The following RLF variants were observed in gnomAD, a reference collection of about 807,000 sequenced individuals.
RLF encodes RLF zinc finger, also known as zinc finger protein Rlf.
A neutral mutation model predicts 162.9 loss-of-function variants in RLF; 7 were observed. That is an observed-to-expected ratio of 0.04 (90% confidence interval 0.02 to 0.08). The LOEUF (loss-of-function observed/expected upper bound fraction) is 0.08. Among genes scored for constraint, RLF ranks in the 10% least tolerant of loss-of-function variants. The pLI, the probability that RLF is intolerant of heterozygous loss-of-function variation, is 1.00. For synonymous variants in RLF, 782 were observed against 791.5 expected (o/e 0.99, Z 0.20); for missense variants, 1,664 against 2,244.7 (o/e 0.74, Z 5.23).
At chr1:40,164,105 G>A (rs978124598) in intron 1 of RLF, among the ~76,000 whole-genome samples, 6 of 152,156 alleles carry the variant, frequency 3.9e-5, no homozygotes, top group African/African-American at 1.4e-4. Flanking sequence ...AGTTTTCTCG[G>A]ACTCTAGGAG....
At chr1:40,195,508 G>A in intron 3 of RLF, 124 bp from the exon 4 acceptor site, 1 of 725,550 alleles carries the variant, frequency 1.4e-6, no homozygotes, top group Non-Finnish European at 2.1e-6. Flanking sequence ...GTCTTTTTTG[G>A]TTACTTATTT....
intron 4 of RLF, among the ~76,000 whole-genome samples, chr1:40,198,048 G>T (rs1179330833): frequency 6.6e-6 from 1 of 151,962 alleles, no homozygotes. Flanking sequence ...TTATTACTCA[G>T]GCTGGAGTGC....
chr1:40,174,141 G>A (rs1421799734), intron 1 of RLF, among the ~76,000 whole-genome samples: 2 of 152,216 alleles, frequency 1.3e-5, no homozygotes, highest in Non-Finnish European at 2.9e-5. Context: ...GGGAGGCTGA[G>A]GCGGGTGGAT....
intron 5 of RLF, among the ~76,000 whole-genome samples, chr1:40,216,328 C>G (rs1206012265): frequency 6.6e-6 from 1 of 151,902 alleles, no homozygotes; most frequent in Non-Finnish European, 1.5e-5. Context: ...ACTAAAAATA[C>G]AAAAAACAAA....
At chr1:40,177,312 C>CGG (rs1318378150) in intron 1 of RLF, among the ~76,000 whole-genome samples, 4 of 144,838 alleles carry the variant, frequency 2.8e-5, no homozygotes, top group Non-Finnish European at 6.0e-5. Flanking sequence ...TTTTGGGAGG[C>CGG]GGAGTCTTGC....
intron 1 of RLF, among the ~76,000 whole-genome samples, chr1:40,169,737 G>A: frequency 6.8e-6 from 1 of 147,582 alleles, no homozygotes. Flanking sequence ...TTGTTGCCCA[G>A]GCTGGAGTGC....
rs997104272 is a variant in RLF, at chr1:40,233,280, G to A, written c.1089+1622G>A. 2.0e-5 allele frequency among the ~76,000 whole-genome samples: 3 copies of A among 151,814 alleles called. No homozygotes were observed. The East Asian group carries it at 5.8e-4, about 29-fold the overall frequency. On this transcript the variant is annotated intron_variant, in intron 7 of 7. Coordinates refer to ENST00000372771, the MANE Select transcript of RLF (RefSeq NM_012421.4). ...CACTACTCCTTTCAGTAACTTTTTG[G>A]CATATCTGTTCAGAATATATAATAG...
intron 1 of RLF, among the ~76,000 whole-genome samples, chr1:40,169,388 G>A (rs1360973181): frequency 6.6e-6 from 1 of 151,560 alleles, no homozygotes; most frequent in African/African-American, 2.4e-5. Context: ...AGGCCGAGGC[G>A]GGTGGATCAT....
At chr1:40,223,895 GC>G (rs1190169748) in intron 6 of RLF, among the ~76,000 whole-genome samples, 6 of 152,214 alleles carry the variant, frequency 3.9e-5, no homozygotes, top group African/African-American at 1.4e-4. Flanking sequence ...CTTGGCATAG[GC>G]CAAAATTCAA....
At chr1:40,233,946 G>A (rs540719218) in intron 7 of RLF, among the ~76,000 whole-genome samples, 2 of 151,976 alleles carry the variant, frequency 1.3e-5, no homozygotes, top group Non-Finnish European at 2.9e-5. Context: ...TACTCTTCAG[G>A]CCAAATATCT....
chr1:40,194,407 G>A (rs1021424443), intron 3 of RLF, among the ~76,000 whole-genome samples: 7 of 152,072 alleles, frequency 4.6e-5, no homozygotes, highest in African/African-American at 1.7e-4. Context: ...GGGAGGCTGA[G>A]GCAGGTGGAT....
intron 1 of RLF, among the ~76,000 whole-genome samples, chr1:40,172,238 G>A (rs187394040): frequency 1.8e-3 from 275 of 152,218 alleles, no homozygotes; most frequent in Non-Finnish European, 2.4e-3. Flanking sequence ...CTTTCCTTCT[G>A]CCCTCAATCT....
chr1:40,182,317 C>G (rs927627479), intron 1 of RLF, among the ~76,000 whole-genome samples: 2 of 152,102 alleles, frequency 1.3e-5, no homozygotes, highest in Non-Finnish European at 2.9e-5. Flanking sequence ...GCCTGTAATC[C>G]CAGCTACTTA....
chr1:40,176,014 A>G (rs1298322392), intron 1 of RLF, among the ~76,000 whole-genome samples: 1 of 152,172 alleles, frequency 6.6e-6, no homozygotes, highest in East Asian at 1.9e-4. Flanking sequence ...AAATACTATA[A>G]TCATATAGTC....
rs1437207218 is a variant in RLF at position 40,195,716 on chromosome 1, C to T, written c.559C>T (p.Pro187Ser). ...HVTKEGVWKN[P>S]VLLKILSQQP... ...TACCAAGGAAGGGGTGTGGAAAAAC[C>T]CAGTTCTTCTTAAAATTCTGTCTCA... The change falls in exon 4 of 8, where the codon CCA (proline) becomes TCA (serine). Residue 187 changes from proline to serine, a missense_variant. This residue lies in a region of RLF where 287 missense variants were observed against 404.9 expected (regional missense o/e 0.71). Coordinates refer to ENST00000372771, the MANE Select transcript of RLF (RefSeq NM_012421.4). 1.2e-6 allele frequency: 2 copies of T among 1,613,558 alleles called. No homozygotes were observed. Among genetic ancestry groups the T allele is most frequent in the Non-Finnish European group, 1.7e-6 (2 of 1,179,794 alleles).
At position 40,173,077 on chromosome 1, in the gene RLF, T is replaced by G. The variant is rs1021477202; in HGVS notation, c.237+11441T>G. Reference sequence around the variant, plus strand: ...TTGCATTTTAGTAACATTCAGGTTTTTTTTTTTTTTTTTTGTGAGGCAGAG... The same window carrying G: ...TTGCATTTTAGTAACATTCAGGTTTGTTTTTTTTTTTTTTGTGAGGCAGAG... On this transcript the variant is annotated intron_variant, in intron 1 of 7. Coordinates refer to ENST00000372771, the MANE Select transcript of RLF (RefSeq NM_012421.4). 1.4e-5 allele frequency among the ~76,000 whole-genome samples: 2 copies of G among 147,656 alleles called. 1 individual carries two copies. Among genetic ancestry groups the G allele is most frequent in the Admixed American group, 1.4e-4 (2 of 14,622 alleles).
At chr1:40,235,028 A>G (rs1184569043) in intron 7 of RLF, among the ~76,000 whole-genome samples, 2 of 151,928 alleles carry the variant, frequency 1.3e-5, no homozygotes, top group Non-Finnish European at 2.9e-5. Flanking sequence ...GAAGTTTTGA[A>G]AAATCCAAGT....
At chr1:40,206,669 G>T (rs547377377) in intron 5 of RLF, among the ~76,000 whole-genome samples, 6 of 152,214 alleles carry the variant, frequency 3.9e-5, no homozygotes, top group Non-Finnish European at 7.4e-5. Flanking sequence ...TGTGCCATGG[G>T]CCCTGGCTAC....
intron 5 of RLF, among the ~76,000 whole-genome samples, chr1:40,216,355 GCACA>G (rs1642923890): frequency 6.6e-6 from 1 of 151,980 alleles, no homozygotes. Flanking sequence ...GGGCGTGGTG[GCACA>G]CACCTGTAGT....
Sources: allele counts gnomAD v4.1 joint callset (sites outside exome capture counted in the v4.1 genomes callset), GRCh38; gene constraint gnomAD v4.1.1; regional missense constraint gnomAD v4.1.1; transcripts MANE v1.5; gene names NCBI Gene and HGNC (gene_info 2026-07-23, HGNC 2026-07-21).